The following METTL2B variants were observed in gnomAD, a reference collection of about 807,000 sequenced individuals.
METTL2B encodes methyltransferase 2B, tRNA N3-cytidine, also known as tRNA N(3)-cytidine methyltransferase METTL2B.
METTL2B carries 28 observed loss-of-function variants against 51.0 expected under a neutral mutation model. The observed-to-expected ratio is 0.55, with a 90% confidence interval of 0.41 to 0.75. The LOEUF is 0.75. METTL2B is among the 30% of genes least tolerant of loss of function. The pLI is 0.00. For synonymous variants in METTL2B, 128 were observed against 166.3 expected, an observed-to-expected ratio of 0.77 and a Z score of 1.77; for missense variants, 313 against 460.7, an observed-to-expected ratio of 0.68 and a Z score of 2.93.
chr7:128,489,819 G>C (rs1019446311), intron 5 of METTL2B, among the ~76,000 whole-genome samples: 6 of 151,070 alleles, frequency 4.0e-5, no homozygotes, highest in African/African-American at 1.5e-4. Flanking sequence ...TAGTAGAGAC[G>C]GGGTTTCACC....
intron 4 of METTL2B, chr7:128,482,905 C>T (rs1354514317): frequency 6.6e-6 from 1 of 152,198 alleles, no homozygotes; most frequent in East Asian, 1.9e-4. Context: ...TCCACTGTTT[C>T]TCAAAGGTTT....
rs1168686158 is a variant in METTL2B, at chr7:128,500,960, T to C, written c.974T>C (p.Phe325Ser). 2 of 1,614,196 alleles carry C rather than the reference T, an allele frequency of 1.2e-6. No homozygotes were observed. Among genetic ancestry groups the C allele is most frequent in the Non-Finnish European group, 8.5e-7 (1 of 1,180,018 alleles). The change falls in exon 8 of 9, where the codon TTC becomes TCC. Residue 325 changes from phenylalanine to serine, a missense_variant. By Grantham distance (155) the Phe-to-Ser change is radical. Coordinates refer to ENST00000262432, the MANE Select transcript of METTL2B (RefSeq NM_018396.3). ...VRGDGTRVYF[F>S]TQEELDTLFT... The stretch of plus-strand genomic sequence containing the variant: ...GGTGATGGAACCAGAGTTTACTTCT[T>C]CACACAAGGTATGAAACACTCATCT...
chr7:128,492,665 G>A (rs1792855760), intron 5 of METTL2B, among the ~76,000 whole-genome samples: 1 of 151,734 alleles, frequency 6.6e-6, no homozygotes, highest in Admixed American at 6.6e-5. Flanking sequence ...TGCCCAGGCT[G>A]GAGTGCAGTG....
At chr7:128,477,198 G>A (rs768594551) in intron 2 of METTL2B, 25 bp downstream of exon 2, 12 of 1,613,544 alleles carry the variant, frequency 7.4e-6, no homozygotes, top group Non-Finnish European at 1.0e-5. Context: ...GCTCTCGTTG[G>A]TATCAACAGC....
Position 128,477,055 on chromosome 7 carries a change from C to T in METTL2B, c.111-27C>T, listed in dbSNP as rs369068459. 7.2e-4 allele frequency: 1,155 copies of T among 1,614,136 alleles called. 8 individuals are homozygous for T. Among genetic ancestry groups the T allele is most frequent in the South Asian group, 5.2e-3 (471 of 91,066 alleles). On this transcript the variant is annotated intron_variant, in intron 1 of 8. Coordinates refer to ENST00000262432, the MANE Select transcript of METTL2B (RefSeq NM_018396.3). The stretch of plus-strand genomic sequence containing the variant: ...CTGCTCGCAGCCAGGACGTGAAGCC[C>T]CTAAGCTGCCCGTTTGATTTTCTCA...
At chr7:128,491,707 C>T (rs1389239723) in intron 5 of METTL2B, among the ~76,000 whole-genome samples, 3 of 139,484 alleles carry the variant, frequency 2.2e-5, no homozygotes, top group African/African-American at 8.1e-5. Flanking sequence ...GCAGAGGTTG[C>T]AGTGAGCTGA....
At chr7:128,501,365 C>T (rs1793027534) in intron 8 of METTL2B, 1 of 985,458 alleles carries the variant, frequency 1.0e-6, no homozygotes, top group Non-Finnish European at 1.2e-6. Flanking sequence ...ACTGGCCCAT[C>T]CACAGGCTTC....
rs1192996653 is a variant in METTL2B at position 128,500,978 on chromosome 7, A to G, written c.982+10A>G. 1 of 1,613,882 alleles carries G rather than the reference A, an allele frequency of 6.2e-7. No homozygotes were observed. The highest frequency in any genetic ancestry group is 8.5e-7 in the Non-Finnish European group (1 of 1,179,982). ...TACTTCTTCACACAAGGTATGAAAC[A>G]CTCATCTTTTTACGCTAAAAGTCCC... On this transcript the variant is annotated intron_variant, in intron 8 of 8. Coordinates refer to ENST00000262432, the MANE Select transcript of METTL2B (RefSeq NM_018396.3).
chr7:128,500,291 C>G (rs1450871735), intron 7 of METTL2B, among the ~76,000 whole-genome samples: 1 of 152,042 alleles, frequency 6.6e-6, no homozygotes, highest in Non-Finnish European at 1.5e-5. Context: ...ATGGTTGTCT[C>G]AAGTTTCCTT....
intron 2 of METTL2B, among the ~76,000 whole-genome samples, chr7:128,477,529 G>C (rs1799818287): frequency 6.6e-6 from 1 of 152,086 alleles, no homozygotes; most frequent in Non-Finnish European, 1.5e-5. Context: ...TCCATGAGGA[G>C]ATGTTTCCAT....
intron 4 of METTL2B, among the ~76,000 whole-genome samples, chr7:128,487,298 A>G (rs756958804): frequency 1.3e-5 from 2 of 152,138 alleles, no homozygotes; most frequent in Non-Finnish European, 2.9e-5. Context: ...GTCTCACTCA[A>G]ATTATGAGCC....
At chr7:128,501,725 G>A (rs758867660) in intron 8 of METTL2B, 37 bp from the exon 9 acceptor site, 11 of 1,607,806 alleles carry the variant, frequency 6.8e-6, no homozygotes, top group Non-Finnish European at 9.4e-6. Context: ...TTTTCTTGAG[G>A]GGAAAATGCA....
chr7:128,493,291 C>A lies in METTL2B; in HGVS notation c.670-513C>A, dbSNP rs565150506. On this transcript the variant is annotated intron_variant, in intron 5 of 8. Transcript: ENST00000262432. ...GCAATGGTACAATCTCGGCTCACTA[C>A]AACCTCTGCCTCCTGGGTTCAAGCG... Among the ~76,000 whole-genome samples the A allele has an allele frequency of 2.0e-3, 306 of 152,014 alleles. 1 individual carries two copies. The highest frequency in any genetic ancestry group is 7.1e-3 in the African/African-American group (296 of 41,454).
chr7:128,492,639 C>T lies in METTL2B; in HGVS notation c.670-1165C>T, dbSNP rs561322348. Among the ~76,000 whole-genome samples, 11 of 150,980 alleles carry T rather than the reference C, an allele frequency of 7.3e-5. No individual in the cohort carries two copies. The East Asian group carries it at 1.8e-3, about 24-fold the overall frequency. On this transcript the variant is annotated intron_variant, in intron 5 of 8. Coordinates refer to ENST00000262432, the MANE Select transcript of METTL2B (RefSeq NM_018396.3). ...TGTTTGTTTGTTTTTGTTTTTGAGACGGAGTCTCCCTCTGTTGCCCAGGCT... is the reference window on the plus strand; with the variant it reads ...TGTTTGTTTGTTTTTGTTTTTGAGATGGAGTCTCCCTCTGTTGCCCAGGCT...
intron 4 of METTL2B, chr7:128,484,180 CT>C (rs1312330221): frequency 7.4e-6 from 1 of 134,512 alleles, no homozygotes; most frequent in East Asian, 2.2e-4. Context: ...TCTTTACAGC[CT>C]TTTTATGTTT....
At position 128,489,093 on chromosome 7, in the gene METTL2B, G is replaced by A. The variant is rs187006168; in HGVS notation, c.669+932G>A. The stretch of plus-strand genomic sequence containing the variant: ...TCGCGCCACTGCACTCCAGCTAGAC[G>A]ACAGAGCGAGACTCCATCTCAAAAA... On this transcript the variant is annotated intron_variant, in intron 5 of 8. Coordinates refer to ENST00000262432, the MANE Select transcript of METTL2B (RefSeq NM_018396.3). 1.9e-3 allele frequency among the ~76,000 whole-genome samples: 283 copies of A among 151,868 alleles called. 1 individual carries two copies. Among genetic ancestry groups the A allele is most frequent in the Non-Finnish European group, 2.2e-3 (152 of 67,968 alleles).
chr7:128,496,529 A>G (rs1792925283), intron 6 of METTL2B, among the ~76,000 whole-genome samples: 1 of 152,240 alleles, frequency 6.6e-6, no homozygotes, highest in South Asian at 2.1e-4. Flanking sequence ...AGCCTGGGTG[A>G]CAGAGTGAGA....
intron 4 of METTL2B, among the ~76,000 whole-genome samples, chr7:128,484,991 T>TC (rs1336709178): frequency 2.6e-5 from 4 of 152,200 alleles, no homozygotes; most frequent in Admixed American, 6.6e-5. Context: ...TAGCAGTCAC[T>TC]CCCCATTTCC....
At chr7:128,487,390 T>G (rs1435185063) in intron 4 of METTL2B, among the ~76,000 whole-genome samples, 1 of 152,224 alleles carries the variant, frequency 6.6e-6, no homozygotes, top group African/African-American at 2.4e-5. Context: ...TATTTAGACC[T>G]GTACTAACAA....
Sources: allele counts gnomAD v4.1 joint callset (sites outside exome capture counted in the v4.1 genomes callset), GRCh38; gene constraint gnomAD v4.1.1; transcripts MANE v1.5; gene names NCBI Gene and HGNC (gene_info 2026-07-23, HGNC 2026-07-21).